AGMO: variants seen among roughly 807,000 people sequenced by gnomAD.
The protein encoded by AGMO is alkylglycerol monooxygenase.
In AGMO, 75 loss-of-function variants were observed where a neutral mutation model predicts 60.2. The ratio of observed to expected loss-of-function variants is 1.25; its 90% confidence interval spans 1.03 to 1.51. The LOEUF (loss-of-function observed/expected upper bound fraction) is 1.51, where lower values mean the gene tolerates loss of function less well. AGMO is among the 40% of genes most tolerant of loss of function. The pLI is 0.00. For synonymous variants in AGMO, 261 were observed against 177.1 expected (o/e 1.47, Z -3.76); for missense variants, 763 against 525.5 (o/e 1.45, Z -4.42).
intron 11 of AGMO, 37 bp from the exon 12 acceptor site, chr7:15,365,656 A>T (rs2128561415): frequency 7.2e-7 from 1 of 1,386,228 alleles, no homozygotes; most frequent in South Asian, 1.2e-5. Flanking sequence ...TTAGCTTTAA[A>T]TATGCTCTTT....
At chr7:15,136,909 C>T in the AGMO span, among the ~76,000 whole-genome samples, 3 of 152,176 alleles carry the variant, frequency 2.0e-5, no homozygotes, top group African/African-American at 7.2e-5. Context: ...TTTCCCTACA[C>T]TGAAATTCTA....
At chr7:15,188,359 G>A in the AGMO span, among the ~76,000 whole-genome samples, 2 of 152,174 alleles carry the variant, frequency 1.3e-5, no homozygotes, top group African/African-American at 4.8e-5. Context: ...GTTAGTGAAT[G>A]TAAGATACTA....
At chr7:15,195,427 T>C (rs558238999), downstream of AGMO, among the ~76,000 whole-genome samples, 12 of 152,292 alleles carry the variant, frequency 7.9e-5, no homozygotes, top group South Asian at 2.5e-3. Context: ...CTGATTTACA[T>C]AGGGCCCAAA....
the AGMO span, among the ~76,000 whole-genome samples, chr7:15,177,554 AG>A: frequency 3.9e-5 from 6 of 152,122 alleles, no homozygotes; most frequent in Admixed American, 1.3e-4. Flanking sequence ...CTGGTAGGAA[AG>A]TAACAGGATC....
At chr7:15,324,797 G>C (rs574733674) in intron 12 of AGMO, among the ~76,000 whole-genome samples, 1 of 152,122 alleles carries the variant, frequency 6.6e-6, no homozygotes, top group East Asian at 1.9e-4. Context: ...AATAGAGTTC[G>C]AGCTCCCATG....
chr7:15,555,436 T>C (rs562556656), intron 2 of AGMO, among the ~76,000 whole-genome samples: 1 of 151,762 alleles, frequency 6.6e-6, no homozygotes, highest in African/African-American at 2.4e-5. Flanking sequence ...GCACTGCCCG[T>C]CTGTAAAGCT....
chr7:15,343,361 A>G (rs1781926724), intron 12 of AGMO, among the ~76,000 whole-genome samples: 1 of 152,148 alleles, frequency 6.6e-6, no homozygotes, highest in Non-Finnish European at 1.5e-5. Flanking sequence ...TGTGTCAAAT[A>G]TTTAACTCAT....
chr7:15,322,981 A>ATTTTT (rs146681446), intron 12 of AGMO, among the ~76,000 whole-genome samples: 7,689 of 146,352 alleles, frequency 0.053, 452 homozygotes, highest in African/African-American at 0.15. Context: ...ATATATATGT[A>ATTTTT]TTTATTTTTT....
chr7:15,246,652 A>T (rs1446925424), intron 12 of AGMO, among the ~76,000 whole-genome samples: 1 of 151,894 alleles, frequency 6.6e-6, no homozygotes, highest in Non-Finnish European at 1.5e-5. Flanking sequence ...TGTACTGAAG[A>T]CCCAATATCA....
At chr7:15,361,664 C>T (rs1055449037) in intron 12 of AGMO, among the ~76,000 whole-genome samples, 3 of 151,326 alleles carry the variant, frequency 2.0e-5, no homozygotes, top group African/African-American at 7.3e-5. Flanking sequence ...TAGGTAACAG[C>T]ACATCAACAT....
chr7:15,211,559 G>GA (rs942051869), intron 12 of AGMO, among the ~76,000 whole-genome samples: 1 of 149,980 alleles, frequency 6.7e-6, no homozygotes, highest in Non-Finnish European at 1.5e-5. Context: ...GGTGTTCCAT[G>GA]TTTTTTTTTG....
At position 15,365,380 on chromosome 7, in the gene AGMO, T is replaced by TAAAAAAAAAAAA. The variant is rs60202363; in HGVS notation, c.1263+122_1263+133dup. The TAAAAAAAAAAAA allele has an allele frequency of 2.8e-3, 627 of 223,606 alleles. 12 individuals are homozygous for TAAAAAAAAAAAA. The highest frequency in any genetic ancestry group is 5.5e-3 in the South Asian group (73 of 13,364). The allele number at this position is 223,606 out of a possible 1,614,324, so 13.9% of individuals were successfully genotyped here. On this transcript the variant is annotated intron_variant, in intron 12 of 12. Coordinates refer to ENST00000342526, the MANE Select transcript of AGMO (RefSeq NM_001004320.2). ...GACACAACTAACAAGTACTGGTAAG[T>TAAAAAAAAAAAA]AAAAAAAAAAAAAAAGATCAAGATT... is the stretch of plus-strand genomic sequence containing the variant.
rs574700271 is a variant in AGMO at position 15,383,927 on chromosome 7, T to C, written c.1074+1519A>G. ...ACTGTGTAATGGATGATTAATTTAG[T>C]CCATCTATTTTTTTTTTCGTTTGTT... On this transcript the variant is annotated intron_variant, in intron 10 of 12. Coordinates refer to ENST00000342526, the MANE Select transcript of AGMO (RefSeq NM_001004320.2). 1.4e-4 allele frequency among the ~76,000 whole-genome samples: 22 copies of C among 152,164 alleles called. No homozygotes were observed. In the East Asian group the frequency reaches 4.1e-3, roughly 28 times the overall value.
the AGMO span, among the ~76,000 whole-genome samples, chr7:15,168,412 C>G: frequency 1.3e-5 from 2 of 152,196 alleles, no homozygotes; most frequent in African/African-American, 2.4e-5. Flanking sequence ...GTTTCAAAAG[C>G]ATTCATGAGG....
chr7:15,162,855 C>T, the AGMO span, among the ~76,000 whole-genome samples: 1 of 152,048 alleles, frequency 6.6e-6, no homozygotes, highest in Admixed American at 6.6e-5. Flanking sequence ...TGTTTTTGGT[C>T]CCATATAAAT....
the AGMO span, among the ~76,000 whole-genome samples, chr7:15,132,118 C>G: frequency 6.6e-6 from 1 of 152,020 alleles, no homozygotes; most frequent in African/African-American, 2.4e-5. Flanking sequence ...CAGAAGATAC[C>G]ATGCAGCACT....
chr7:15,382,731 T>C (rs1006282854), intron 10 of AGMO, among the ~76,000 whole-genome samples: 1 of 152,142 alleles, frequency 6.6e-6, no homozygotes, highest in East Asian at 1.9e-4. Context: ...ACACTTGCCA[T>C]ATTCCGGACA....
At chr7:15,141,785 C>G in the AGMO span, among the ~76,000 whole-genome samples, 1 of 152,130 alleles carries the variant, frequency 6.6e-6, no homozygotes, top group Non-Finnish European at 1.5e-5. Flanking sequence ...GATATTGTCA[C>G]TAAAATACAA....
At chr7:15,252,385 A>G (rs1364259647) in intron 12 of AGMO, among the ~76,000 whole-genome samples, 1 of 152,186 alleles carries the variant, frequency 6.6e-6, no homozygotes, top group Admixed American at 6.5e-5. Flanking sequence ...TGACTTGTTT[A>G]TAACAAATGG....
Sources: allele counts gnomAD v4.1 joint callset (sites outside exome capture counted in the v4.1 genomes callset), GRCh38; gene constraint gnomAD v4.1.1; transcripts MANE v1.5; gene names NCBI Gene and HGNC (gene_info 2026-07-23, HGNC 2026-07-21).